ATAD2: variants seen among roughly 807,000 people sequenced by gnomAD.
ATAD2 encodes ATPase family AAA domain containing 2, also known as ATPase family AAA domain-containing protein 2.
In ATAD2, 62 loss-of-function variants were observed where a neutral mutation model predicts 168.9. The ratio of observed to expected loss-of-function variants is 0.37; its 90% CI spans 0.30 to 0.45. The LOEUF (loss-of-function observed/expected upper bound fraction) is 0.45, where lower values mean the gene tolerates loss of function less well. Ranked by LOEUF, ATAD2 falls within the 20% of genes least tolerant of loss-of-function variation. ATAD2 has a pLI of 1.00. For synonymous variants in ATAD2, 613 were observed against 571.6 expected, an observed-to-expected ratio of 1.07 and a Z score of -1.03; for missense variants, 1,419 against 1,667.8, an observed-to-expected ratio of 0.85 and a Z score of 2.60.
At chr8:123,377,090 T>TAAAAAAAAAAAAAAAA (rs1297063054) in intron 2 of ATAD2, among the ~76,000 whole-genome samples, 1 of 622 alleles carries the variant, frequency 1.6e-3, no homozygotes, top group African/African-American at 4.3e-3. Context: ...AGACTCCGTC[T>TAAAAAAAAAAAAAAAA]CAAAAAAAAA....
At chr8:123,358,648 T>C (rs1325171933) in intron 11 of ATAD2, among the ~76,000 whole-genome samples, 1 of 150,390 alleles carries the variant, frequency 6.6e-6, no homozygotes, top group Non-Finnish European at 1.5e-5. Context: ...GCCTGGCCAC[T>C]TTCTAATTTT....
chr8:123,372,101 A>G (rs1485494260), intron 3 of ATAD2, among the ~76,000 whole-genome samples: 1 of 152,214 alleles, frequency 6.6e-6, no homozygotes, highest in African/African-American at 2.4e-5. Flanking sequence ...GCTTTGTGAT[A>G]GCCCCAAACC....
At chr8:123,395,590 T>A (rs1812784257) in intron 1 of ATAD2, among the ~76,000 whole-genome samples, 1 of 152,164 alleles carries the variant, frequency 6.6e-6, no homozygotes, top group Non-Finnish European at 1.5e-5. Context: ...AACTACGCAT[T>A]CTCAAAGGGT....
In ATAD2 at chr8:123,334,309, C is replaced by T. The variant is rs770519613; in HGVS notation, c.3225G>A (p.Arg1075=). Residue 1075 remains arginine (R), a synonymous_variant, in exon 23 of 28, where the codon AGG becomes AGA. Coordinates refer to ENST00000287394, the MANE Select transcript of ATAD2 (RefSeq NM_014109.4). ...PDRDPGDRLI[R]HRACALRDTA... is the part of the protein sequence containing the mutation. ...TATCTCTTAAAGCACAGGCTCTATG[C>T]CTAATAAGACGATCTATGAAGTGAG... The T allele has an allele frequency of 1.3e-5, 20 of 1,559,144 alleles. No homozygotes were observed. The South Asian group carries it at 2.0e-4, about 15-fold the overall frequency.
chr8:123,359,044 T>G (rs1344215165), intron 11 of ATAD2, among the ~76,000 whole-genome samples, 177 bp downstream of exon 11: 3 of 152,114 alleles, frequency 2.0e-5, no homozygotes, highest in Admixed American at 2.0e-4. Context: ...CTTACTAATT[T>G]TTAAAAGTTT....
At chr8:123,390,168 G>A (rs1175083683) in intron 1 of ATAD2, among the ~76,000 whole-genome samples, 5 of 151,144 alleles carry the variant, frequency 3.3e-5, no homozygotes, top group South Asian at 4.2e-4. Flanking sequence ...TAGTAGAGAC[G>A]GGATTTCACC....
intron 3 of ATAD2, among the ~76,000 whole-genome samples, chr8:123,372,118 A>G (rs1044963932): frequency 7.2e-5 from 11 of 152,180 alleles, no homozygotes; most frequent in African/African-American, 2.4e-4. Context: ...AACCAGAAAC[A>G]ACCCAAGTCC....
At chr8:123,365,995 T>A (rs538179623) in intron 8 of ATAD2, among the ~76,000 whole-genome samples, 1 of 152,126 alleles carries the variant, frequency 6.6e-6, no homozygotes, top group Non-Finnish European at 1.5e-5. Flanking sequence ...ACCCACAGTA[T>A]GGGAGAAAAT....
intron 8 of ATAD2, among the ~76,000 whole-genome samples, chr8:123,363,630 A>C (rs549287951): frequency 6.6e-6 from 1 of 152,354 alleles, no homozygotes; most frequent in East Asian, 1.9e-4. Flanking sequence ...AAACTAACTT[A>C]TTCATTATTA....
At chr8:123,371,590 G>T in intron 4 of ATAD2, 80 bp downstream of exon 4, 2 of 1,295,416 alleles carry the variant, frequency 1.5e-6, no homozygotes, top group Non-Finnish European at 2.1e-6. Flanking sequence ...AAATGTTTGG[G>T]CTGGTTGAAA....
At chr8:123,334,162 T>C (rs776043044) in intron 23 of ATAD2, 38 bp downstream of exon 23, 1 of 1,558,452 alleles carries the variant, frequency 6.4e-7, no homozygotes, top group Non-Finnish European at 8.6e-7. Context: ...TCATTGATAA[T>C]ATTAGGTTGG....
intron 15 of ATAD2, 75 bp from the exon 16 acceptor site, chr8:123,347,481 A>C: frequency 7.4e-7 from 1 of 1,348,542 alleles, no homozygotes; most frequent in Non-Finnish European, 1.0e-6. Flanking sequence ...TAGCATGACC[A>C]TGGTTAAAAA....
At chr8:123,350,336 G>A (rs1044058244) in intron 13 of ATAD2, among the ~76,000 whole-genome samples, 1 of 152,146 alleles carries the variant, frequency 6.6e-6, no homozygotes, top group African/African-American at 2.4e-5. Context: ...TTTCATGTAA[G>A]TACTTCATGT....
intron 1 of ATAD2, among the ~76,000 whole-genome samples, chr8:123,413,514 A>G (rs535354733): frequency 8.1e-4 from 124 of 152,280 alleles, no homozygotes; most frequent in Non-Finnish European, 1.3e-3. Context: ...TTGCAAAGAA[A>G]CTGACGCTCA....
intron 8 of ATAD2, 114 bp from the exon 9 acceptor site, chr8:123,361,760 C>T: frequency 4.1e-6 from 3 of 723,434 alleles, no homozygotes; most frequent in Non-Finnish European, 6.8e-6. Context: ...AAAATTAATA[C>T]ATCTGCTGAC....
intron 2 of ATAD2, among the ~76,000 whole-genome samples, chr8:123,378,727 C>CAAAAAAAAAAAA (rs1554646643): frequency 2.0e-4 from 18 of 91,018 alleles, no homozygotes; most frequent in African/African-American, 6.7e-4. Flanking sequence ...AAAAAAAAAT[C>CAAAAAAAAAAAA]AAAATTCCAT....
chr8:123,359,224 G>C lies in ATAD2; in HGVS notation c.1379C>G (p.Pro460Arg). The change falls in exon 11 of 28, where the codon CCA becomes CGA. Residue 460 changes from proline (P) to arginine (R), a missense_variant. By Grantham distance (103) the Pro-to-Arg change is moderately radical. This residue lies in a region of ATAD2 where 146 missense variants were observed against 188.3 expected (regional missense o/e 0.78). Coordinates refer to ENST00000287394, the MANE Select transcript of ATAD2 (RefSeq NM_014109.4). ...EVFEKFKIQP[P>R]RGCLFYGPPG... ...ATTAAAAATATAATTAAATTACCTT[G>C]GGGGTTGAATTTTAAATTTTTCAAA... The C allele has an allele frequency of 6.4e-7, 1 of 1,561,812 alleles. No homozygotes were observed. Among genetic ancestry groups the C allele is most frequent in the Non-Finnish European group, 8.7e-7 (1 of 1,146,724 alleles).
At position 123,395,764 on chromosome 8, in the gene ATAD2, T is replaced by TC. The variant is rs1273010933; in HGVS notation, c.171+422dup. Among the ~76,000 whole-genome samples, 10 of 151,366 alleles carry TC rather than the reference T, an allele frequency of 6.6e-5. No individual in the cohort carries two copies. In the South Asian group the frequency reaches 1.7e-3, roughly 26 times the overall value. ...ACAACCTGTCTGTCCCTGTGCCCCCTCCCCCCCAACGTTTATGGCGCAGAC... is the reference window on the plus strand; with the variant it reads ...ACAACCTGTCTGTCCCTGTGCCCCCTCCCCCCCCAACGTTTATGGCGCAGAC... On this transcript the variant is annotated intron_variant, in intron 1 of 27. Coordinates refer to ENST00000287394, the MANE Select transcript of ATAD2 (RefSeq NM_014109.4).
rs1828690905 is a variant in ATAD2, at chr8:123,357,643, T to C, written c.1476A>G (p.Ala492=). ...NECSQGDKRV[A]FFMRKGADCL... is the part of the protein sequence containing the mutation. ...AATCAGCACCTTTCCTCATGAAAAA[T>C]GCTACTCTTTTATCCCCTTGACTGC... is the stretch of plus-strand genomic sequence containing the variant. Residue 492 remains alanine, a synonymous_variant, in exon 12 of 28, where the codon GCA becomes GCG. Transcript: ENST00000287394. 1.2e-6 allele frequency: 2 copies of C among 1,614,000 alleles called. No individual in the cohort carries two copies. Among genetic ancestry groups the C allele is most frequent in the Non-Finnish European group, 8.5e-7 (1 of 1,179,996 alleles).
Sources: allele counts gnomAD v4.1 joint callset (sites outside exome capture counted in the v4.1 genomes callset), GRCh38; gene constraint gnomAD v4.1.1; regional missense constraint gnomAD v4.1.1; transcripts MANE v1.5; gene names NCBI Gene and HGNC (gene_info 2026-07-23, HGNC 2026-07-21).